The following NUP160 variants were observed in gnomAD, a reference collection of about 807,000 sequenced individuals.
NUP160 encodes nuclear pore complex protein Nup160.
NUP160 carries 94 observed loss-of-function variants against 196.9 expected under a neutral mutation model. The observed-to-expected ratio is 0.48, with a 90% CI of 0.40 to 0.57. The LOEUF (loss-of-function observed/expected upper bound fraction) is 0.57, where lower values mean the gene tolerates loss of function less well. Among genes scored for constraint, NUP160 ranks in the 20% least tolerant of loss-of-function variants. NUP160 has a pLI of 0.00. For missense variants in NUP160, 1,638 were observed against 1,748.3 expected, an observed-to-expected ratio of 0.94 and a Z score of 1.13; for synonymous variants, 605 against 619.7, an observed-to-expected ratio of 0.98 and a Z score of 0.35.
At chr11:47,781,973 A>G (rs2097661113) in intron 34 of NUP160, among the ~76,000 whole-genome samples, 1 of 152,048 alleles carries the variant, frequency 6.6e-6, no homozygotes, top group Non-Finnish European at 1.5e-5. Flanking sequence ...CACCTTACAT[A>G]GCATGATAAT....
intron 10 of NUP160, 144 bp downstream of exon 10, chr11:47,819,230 T>A (rs1851802848): frequency 3.4e-6 from 2 of 593,092 alleles, no homozygotes; most frequent in Middle Eastern, 4.5e-4. Context: ...AGAGAATTGC[T>A]TGAACCTGGG....
At chr11:47,845,118 T>C (rs1426803818) in intron 2 of NUP160, among the ~76,000 whole-genome samples, 1 of 152,220 alleles carries the variant, frequency 6.6e-6, no homozygotes, top group Non-Finnish European at 1.5e-5. Flanking sequence ...GGAGCTACTC[T>C]GTCTATGGAG....
At position 47,789,944 on chromosome 11, in the gene NUP160, C is replaced by CTT. The variant is rs34563280; in HGVS notation, c.3512-1335_3512-1334dup. Among the ~76,000 whole-genome samples, 70 of 130,130 alleles carry CTT rather than the reference C, an allele frequency of 5.4e-4. No individual in the cohort carries two copies. The Middle Eastern group carries it at 0.012, about 22-fold the overall frequency. The allele number at this position is 130,130 out of a possible 152,430, so 85.4% of individuals were successfully genotyped here. Reference sequence around the variant, plus strand: ...CATATTTTGTATTTTATATACTGTACTTTTTTTTTTTTTTTTTTGAGACAG... The same window carrying CTT: ...CATATTTTGTATTTTATATACTGTACTTTTTTTTTTTTTTTTTTTTGAGACAG... On this transcript the variant is annotated intron_variant, in intron 29 of 35. Coordinates refer to ENST00000378460, the Ensembl canonical transcript of NUP160.
chr11:47,802,664 A>T (rs1156974118), intron 22 of NUP160, among the ~76,000 whole-genome samples: 1 of 151,690 alleles, frequency 6.6e-6, no homozygotes, highest in African/African-American at 2.4e-5. Flanking sequence ...ATAAAACAAT[A>T]AAAAAAATGT....
chr11:47,780,320 G>A (rs1225753316), intron 35 of NUP160, 23 bp downstream of exon 35: 10 of 1,502,750 alleles, frequency 6.7e-6, no homozygotes, highest in East Asian at 2.3e-5. Flanking sequence ...TACACAAGAC[G>A]TCTCATGAAA....
intron 7 of NUP160, among the ~76,000 whole-genome samples, chr11:47,831,089 G>T (rs1476863569): frequency 1.3e-5 from 2 of 152,120 alleles, no homozygotes; most frequent in African/African-American, 4.8e-5. Context: ...CTTGAACCTG[G>T]GAGGCGGAGG....
At chr11:47,817,641 G>A (rs1242337109) in intron 11 of NUP160, among the ~76,000 whole-genome samples, 1 of 152,080 alleles carries the variant, frequency 6.6e-6, no homozygotes, top group Non-Finnish European at 1.5e-5. Context: ...CACCACGCCC[G>A]GCCTAGAGTT....
At chr11:47,799,693 G>A (rs1414504169) in intron 23 of NUP160, among the ~76,000 whole-genome samples, 1 of 151,974 alleles carries the variant, frequency 6.6e-6, no homozygotes, top group Non-Finnish European at 1.5e-5. Context: ...CCACAGGCAT[G>A]CACCACCATG....
At chr11:47,837,155 T>C (rs1852193104) in intron 5 of NUP160, among the ~76,000 whole-genome samples, 154 bp from the exon 6 acceptor site, 1 of 152,232 alleles carries the variant, frequency 6.6e-6, no homozygotes, top group Admixed American at 6.5e-5. Flanking sequence ...ACATTTCTAT[T>C]TGGTTTATCG....
chr11:47,797,864 T>C, exon 27 of NUP160: 1 of 1,612,518 alleles, frequency 6.2e-7, no homozygotes, highest in Non-Finnish European at 8.5e-7. Flanking sequence ...CTCTAGCACG[T>C]GACTCAATTA....
chr11:47,841,244 A>G (rs960928563), intron 2 of NUP160: 9 of 246,020 alleles, frequency 3.7e-5, no homozygotes, highest in Non-Finnish European at 6.9e-5. Context: ...TTGTTTATTA[A>G]TCCCAGCTGA....
At chr11:47,785,426 C>A (rs1489083002) in intron 32 of NUP160, among the ~76,000 whole-genome samples, 1 of 152,064 alleles carries the variant, frequency 6.6e-6, no homozygotes, top group Non-Finnish European at 1.5e-5. Context: ...TCACCATGCC[C>A]AGCCTTACAA....
At position 47,841,716 on chromosome 11, in the gene NUP160, G is replaced by C. The variant is rs1852301865; in HGVS notation, c.315-1128C>G. On this transcript the variant is annotated intron_variant, in intron 2 of 35. Transcript: ENST00000378460. ...GTTTGTTTGTTTTTTTTTTGAGACA[G>C]GGTCTCACTCTGTCAGGCTGGGGTG... is the stretch of plus-strand genomic sequence containing the variant. The C allele has an allele frequency of 1.1e-5, 3 of 268,154 alleles. 1 individual carries two copies. The South Asian group carries it at 1.3e-4, about 12-fold the overall frequency. 16.6% of individuals were successfully genotyped at this position (268,154 alleles called of 1,614,324 possible).
At chr11:47,835,589 C>T (rs1852156330) in intron 7 of NUP160, 62 bp downstream of exon 7, 3 of 1,367,474 alleles carry the variant, frequency 2.2e-6, no homozygotes, top group African/African-American at 1.5e-5. Context: ...ACTGAGTCTA[C>T]AGCCATTTCT....
intron 27 of NUP160, among the ~76,000 whole-genome samples, chr11:47,795,577 A>C (rs1473502159): frequency 6.6e-6 from 1 of 152,240 alleles, no homozygotes; most frequent in Non-Finnish European, 1.5e-5. Flanking sequence ...AAAATGTTAG[A>C]CATTCCACAG....
intron 13 of NUP160, among the ~76,000 whole-genome samples, chr11:47,814,234 A>G (rs866675337): frequency 6.6e-6 from 1 of 152,230 alleles, no homozygotes; most frequent in Middle Eastern, 3.4e-3. Context: ...CGCTGATAAC[A>G]GTTTGAGGTT....
chr11:47,786,627 G>T, intron 31 of NUP160, 73 bp from the exon 32 acceptor site: 1 of 900,752 alleles, frequency 1.1e-6, no homozygotes, highest in South Asian at 1.4e-5. Context: ...ACTAAAACTA[G>T]AGAGATAGAT....
chr11:47,831,794 G>A (rs1375106015), intron 7 of NUP160, among the ~76,000 whole-genome samples: 5 of 135,652 alleles, frequency 3.7e-5, no homozygotes, highest in Non-Finnish European at 6.1e-5. Context: ...AGTGAGCTGA[G>A]ATCGCGCCAC....
At chr11:47,819,226 T>C (rs1404872225) in intron 10 of NUP160, 148 bp downstream of exon 10, 3 of 580,246 alleles carry the variant, frequency 5.2e-6, no homozygotes, top group African/African-American at 1.9e-5. Flanking sequence ...GGCAAGAGAA[T>C]TGCTTGAACC....
Sources: allele counts gnomAD v4.1 joint callset (sites outside exome capture counted in the v4.1 genomes callset), GRCh38; gene constraint gnomAD v4.1.1; transcripts MANE v1.5; gene names NCBI Gene and HGNC (gene_info 2026-07-23, HGNC 2026-07-21).